The following CCDC148 variants were observed in gnomAD, a reference collection of about 807,000 sequenced individuals.
CCDC148 encodes coiled-coil domain containing 148, also known as coiled-coil domain-containing protein 148.
In CCDC148, 89 loss-of-function variants were observed where a neutral mutation model predicts 85.7. The observed-to-expected ratio is 1.04, with a 90% CI of 0.87 to 1.24. The LOEUF (loss-of-function observed/expected upper bound fraction) is 1.24, where lower values mean the gene tolerates loss of function less well. Ranked by LOEUF, CCDC148 falls within the 50% of genes most tolerant of loss-of-function variation. The probability of loss-of-function intolerance (pLI) is 0.00; values close to 1 mark genes in which losing one functional copy is unlikely to be tolerated. For synonymous variants in CCDC148, 230 were observed against 213.9 expected (o/e 1.08, Z -0.66); for missense variants, 692 against 671.7 (o/e 1.03, Z -0.33).
At chr2:158,189,871 T>C (rs1685336489) in intron 11 of CCDC148, among the ~76,000 whole-genome samples, 1 of 151,662 alleles carries the variant, frequency 6.6e-6, no homozygotes. Flanking sequence ...ACTAGCAGAG[T>C]GCCTAAAACA....
intron 1 of CCDC148, among the ~76,000 whole-genome samples, chr2:158,418,025 ATTAT>A (rs1375620177): frequency 6.6e-6 from 1 of 152,064 alleles, no homozygotes; most frequent in Admixed American, 6.6e-5. Context: ...ATAGTAATCT[ATTAT>A]TTTTTTAAAA....
At chr2:158,445,957 T>C (rs1379520803) in intron 1 of CCDC148, among the ~76,000 whole-genome samples, 4 of 152,170 alleles carry the variant, frequency 2.6e-5, no homozygotes, top group African/African-American at 9.7e-5. Flanking sequence ...TTCACCCCCA[T>C]ACTTGGCTTT....
intron 10 of CCDC148, among the ~76,000 whole-genome samples, chr2:158,237,231 A>G (rs1343126722): frequency 6.6e-6 from 1 of 152,130 alleles, no homozygotes; most frequent in East Asian, 1.9e-4. Context: ...CAGAGCAGAG[A>G]GGTAGATCAC....
At chr2:158,272,613 G>A (rs1194704721) in intron 9 of CCDC148, among the ~76,000 whole-genome samples, 1 of 152,150 alleles carries the variant, frequency 6.6e-6, no homozygotes, top group Non-Finnish European at 1.5e-5. Flanking sequence ...CTGAGAGTAG[G>A]ATGCACAGTG....
intron 1 of CCDC148, among the ~76,000 whole-genome samples, chr2:158,361,302 T>C (rs1683934590): frequency 6.6e-6 from 1 of 152,010 alleles, no homozygotes; most frequent in Non-Finnish European, 1.5e-5. Flanking sequence ...AGACCAATAT[T>C]CAAATTCAGG....
intron 2 of CCDC148, among the ~76,000 whole-genome samples, chr2:158,351,487 C>T (rs1683283094): frequency 7.6e-6 from 1 of 132,410 alleles, no homozygotes; most frequent in Admixed American, 7.6e-5. Context: ...AAAATCGGGT[C>T]ACTCCCACCT....
At chr2:158,319,557 C>A (rs1457025297) in intron 7 of CCDC148, among the ~76,000 whole-genome samples, 1 of 152,192 alleles carries the variant, frequency 6.6e-6, no homozygotes, top group Non-Finnish European at 1.5e-5. Flanking sequence ...CAAGAGAATG[C>A]AGAACACCAG....
intron 10 of CCDC148, among the ~76,000 whole-genome samples, chr2:158,227,683 C>A (rs879397756): frequency 3.3e-5 from 5 of 152,082 alleles, no homozygotes; most frequent in Non-Finnish European, 5.9e-5. Flanking sequence ...CTTTGACAAA[C>A]CTGACAAAAA....
intron 9 of CCDC148, among the ~76,000 whole-genome samples, chr2:158,268,961 C>T (rs533924789): frequency 1.7e-4 from 26 of 152,164 alleles, no homozygotes; most frequent in Non-Finnish European, 1.0e-4. Context: ...TTGCTTGATC[C>T]TTTCATCCCT....
At chr2:158,406,969 TAGATTAATACA>T (rs1394341272) in intron 1 of CCDC148, among the ~76,000 whole-genome samples, 1 of 152,130 alleles carries the variant, frequency 6.6e-6, no homozygotes, top group Admixed American at 6.6e-5. Context: ...TATTTTTGTA[TAGATTAATACA>T]AGTGTGGCTT....
chr2:158,217,457 C>T (rs559695903), intron 11 of CCDC148, among the ~76,000 whole-genome samples: 23 of 150,528 alleles, frequency 1.5e-4, no homozygotes, highest in African/African-American at 5.1e-4. Flanking sequence ...GGCTGGAGTG[C>T]GGTAGCACGA....
intron 1 of CCDC148, among the ~76,000 whole-genome samples, chr2:158,402,372 T>C (rs1210947497): frequency 6.6e-6 from 1 of 151,896 alleles, no homozygotes; most frequent in African/African-American, 2.4e-5. Context: ...TAAGGAAGTT[T>C]GTGTTGCTTG....
At chr2:158,352,495 A>C (rs1683371595) in intron 2 of CCDC148, among the ~76,000 whole-genome samples, 1 of 152,170 alleles carries the variant, frequency 6.6e-6, no homozygotes, top group Non-Finnish European at 1.5e-5. Flanking sequence ...GATGAAATGA[A>C]TGAAATGAAG....
At chr2:158,217,659 C>T (rs749037660) in intron 11 of CCDC148, among the ~76,000 whole-genome samples, 1 of 151,338 alleles carries the variant, frequency 6.6e-6, no homozygotes, top group East Asian at 1.9e-4. Context: ...CTGCCTTGGC[C>T]TCCCAAAGTG....
At chr2:158,409,437 A>C (rs1686164837) in intron 1 of CCDC148, among the ~76,000 whole-genome samples, 1 of 152,226 alleles carries the variant, frequency 6.6e-6, no homozygotes, top group African/African-American at 2.4e-5. Flanking sequence ...AAAGGAGATC[A>C]TTTTAGAGCT....
intron 1 of CCDC148, among the ~76,000 whole-genome samples, chr2:158,369,836 G>A (rs1036550700): frequency 1.3e-5 from 2 of 152,034 alleles, no homozygotes; most frequent in South Asian, 2.1e-4. Context: ...CTATTTTGAG[G>A]TATGTTTCAT....
intron 10 of CCDC148, among the ~76,000 whole-genome samples, chr2:158,233,953 G>A (rs1057489393): frequency 6.6e-6 from 1 of 152,066 alleles, no homozygotes; most frequent in Admixed American, 6.5e-5. Flanking sequence ...CGAGGTGGGT[G>A]GAGCACGAGG....
intron 1 of CCDC148, among the ~76,000 whole-genome samples, chr2:158,367,202 A>T (rs909889011): frequency 2.0e-5 from 3 of 152,184 alleles, no homozygotes; most frequent in Non-Finnish European, 2.9e-5. Flanking sequence ...ACACCCAAAG[A>T]TAATCAAATA....
chr2:158,325,612 C>T (rs1692730978), intron 7 of CCDC148, among the ~76,000 whole-genome samples: 1 of 151,216 alleles, frequency 6.6e-6, no homozygotes, highest in Admixed American at 6.6e-5. Flanking sequence ...CCCATATAGC[C>T]AACTGCATCC....
Sources: allele counts gnomAD v4.1 joint callset (sites outside exome capture counted in the v4.1 genomes callset), GRCh38; gene constraint gnomAD v4.1.1; transcripts MANE v1.5; gene names NCBI Gene and HGNC (gene_info 2026-07-23, HGNC 2026-07-21).